The following C4orf36 variants were observed in gnomAD, a reference collection of about 807,000 sequenced individuals.
The protein encoded by C4orf36 is uncharacterized protein C4orf36.
A neutral mutation model predicts 12.2 loss-of-function variants in C4orf36; 11 were observed. That is an observed-to-expected ratio of 0.90 (90% CI 0.57 to 1.49). The LOEUF (loss-of-function observed/expected upper bound fraction) is 1.49, where lower values mean the gene tolerates loss of function less well. C4orf36 is among the 40% of genes most tolerant of loss of function. The pLI is 0.00. For missense variants in C4orf36, 137 were observed against 133.9 expected, an observed-to-expected ratio of 1.02 and a Z score of -0.11; for synonymous variants, 54 against 51.3, an observed-to-expected ratio of 1.05 and a Z score of -0.22.
At chr4:86,884,459 C>G (rs550695065) in intron 4 of C4orf36, among the ~76,000 whole-genome samples, 24 of 152,088 alleles carry the variant, frequency 1.6e-4, no homozygotes, top group African/African-American at 5.5e-4. Context: ...CACACAGCAC[C>G]ATGTTCAGCT....
chr4:86,903,505 C>T, the C4orf36 span, among the ~76,000 whole-genome samples: 1 of 152,202 alleles, frequency 6.6e-6, no homozygotes, highest in African/African-American at 2.4e-5. Flanking sequence ...TCATTCCTTC[C>T]AGTAGGTTCG....
chr4:86,892,358 G>A lies in C4orf36; in HGVS notation c.-249C>T. The stretch of plus-strand genomic sequence containing the variant: ...CGCTGCGCTAAGCGCACATGGCCGC[G>A]CACACGCCTCGGGGCCGCGCCGCAG... On this transcript the variant is annotated 5_prime_UTR_variant, in exon 1 of 5. Coordinates refer to ENST00000295898, the MANE Select transcript of C4orf36 (RefSeq NM_144645.4). 3.0e-6 allele frequency: 3 copies of A among 985,390 alleles called. No individual in the cohort carries two copies. The highest frequency in any genetic ancestry group is 3.6e-6 in the Non-Finnish European group (3 of 829,878). The allele number at this position is 985,390 out of a possible 1,614,324, so 61.0% of individuals were successfully genotyped here. A position where few individuals can be genotyped will look rare whatever the true frequency, so the allele number is the denominator to read the frequency against.
chr4:86,917,636 AAGGAAGG>A, the C4orf36 span, among the ~76,000 whole-genome samples: 1 of 149,562 alleles, frequency 6.7e-6, no homozygotes, highest in African/African-American at 2.5e-5. Context: ...GAGAAAGAGA[AAGGAAGG>A]AGGAAGGAAG....
At chr4:86,929,201 T>C in the C4orf36 span, among the ~76,000 whole-genome samples, 1 of 152,200 alleles carries the variant, frequency 6.6e-6, no homozygotes, top group Non-Finnish European at 1.5e-5. Context: ...ACTTGCGGCA[T>C]GTTTTACCTG....
intron 4 of C4orf36, among the ~76,000 whole-genome samples, chr4:86,881,564 G>C (rs1162820764): frequency 1.3e-5 from 2 of 151,942 alleles, no homozygotes; most frequent in Non-Finnish European, 2.9e-5. Flanking sequence ...GCCCCAGCCT[G>C]GGCAACAGAG....
intron 4 of C4orf36, among the ~76,000 whole-genome samples, chr4:86,883,242 A>C (rs1421006547): frequency 6.6e-6 from 1 of 152,206 alleles, no homozygotes; most frequent in East Asian, 1.9e-4. Context: ...GAAAGACATA[A>C]GTGACAAGTT....
the C4orf36 span, among the ~76,000 whole-genome samples, chr4:86,931,669 G>T: frequency 6.6e-6 from 1 of 152,154 alleles, no homozygotes; most frequent in African/African-American, 2.4e-5. Context: ...AACGTGCTGG[G>T]ATTCTGAACG....
chr4:86,924,139 C>T, the C4orf36 span, among the ~76,000 whole-genome samples: 186 of 152,274 alleles, frequency 1.2e-3, 1 homozygote, highest in African/African-American at 4.3e-3. Flanking sequence ...TTCCCAGGTC[C>T]AAGCCATCCT....
chr4:86,884,071 A>G (rs1747111523), intron 4 of C4orf36, among the ~76,000 whole-genome samples: 1 of 152,136 alleles, frequency 6.6e-6, no homozygotes, highest in African/African-American at 2.4e-5. Flanking sequence ...GCTCAAATGT[A>G]ACATTAATAT....
chr4:86,935,763 T>A, the C4orf36 span: 1 of 152,078 alleles, frequency 6.6e-6, no homozygotes, highest in Non-Finnish European at 1.5e-5. Context: ...GTGTCGGTGG[T>A]CCGTAGCCTC....
At chr4:86,877,054 GAA>G (rs1352032919) in intron 4 of C4orf36, among the ~76,000 whole-genome samples, 2 of 152,166 alleles carry the variant, frequency 1.3e-5, no homozygotes, top group African/African-American at 4.8e-5. Flanking sequence ...ACCCTAAAAA[GAA>G]AGAGTTCAGG....
At chr4:86,909,016 C>T in the C4orf36 span, among the ~76,000 whole-genome samples, 1 of 152,162 alleles carries the variant, frequency 6.6e-6, no homozygotes, top group Non-Finnish European at 1.5e-5. Flanking sequence ...CCACCTTTAC[C>T]TGTCTCTCAA....
At chr4:86,909,697 C>A in the C4orf36 span, among the ~76,000 whole-genome samples, 1 of 152,096 alleles carries the variant, frequency 6.6e-6, no homozygotes, top group African/African-American at 2.4e-5. Flanking sequence ...ACACACCCTT[C>A]TATCAGTCCT....
the C4orf36 span, among the ~76,000 whole-genome samples, chr4:86,927,192 C>A: frequency 3.0e-4 from 46 of 152,152 alleles, no homozygotes; most frequent in Non-Finnish European, 4.9e-4. Context: ...TGAATGAATA[C>A]ATGAATAAAT....
At chr4:86,919,029 G>T in the C4orf36 span, among the ~76,000 whole-genome samples, 23 of 152,058 alleles carry the variant, frequency 1.5e-4, no homozygotes, top group African/African-American at 5.3e-4. Context: ...TGAGAACCTG[G>T]GGGCATTGGT....
At chr4:86,881,120 A>C (rs974547908) in intron 4 of C4orf36, among the ~76,000 whole-genome samples, 5 of 121,406 alleles carry the variant, frequency 4.1e-5, no homozygotes, top group Admixed American at 8.1e-5. Flanking sequence ...GATCACTTTT[A>C]AGTTTGGCAT....
the C4orf36 span, chr4:86,913,571 G>A: frequency 8.5e-7 from 1 of 1,180,208 alleles, no homozygotes; most frequent in Non-Finnish European, 1.2e-6. Context: ...GTCATGGCCA[G>A]CAGCCACCAC....
At chr4:86,913,949 C>A in the C4orf36 span, 10 of 1,498,372 alleles carry the variant, frequency 6.7e-6, no homozygotes, top group East Asian at 1.6e-4. Context: ...CTCAGCCTCC[C>A]GAGTAGCTGT....
chr4:86,888,060 T>C, intron 3 of C4orf36, 61 bp downstream of exon 3: 1 of 1,578,732 alleles, frequency 6.3e-7, no homozygotes, highest in Non-Finnish European at 8.6e-7. Flanking sequence ...TAAACATTTC[T>C]CTGATAAGCA....
Sources: gnomAD v4.1 joint callset for allele counts (sites outside exome capture counted in the v4.1 genomes callset) on GRCh38, gnomAD v4.1.1 for gene constraint, MANE v1.5 for transcripts, NCBI Gene and HGNC (gene_info 2026-07-23, HGNC 2026-07-21) for gene names.